RAB11FIP3: variants seen among roughly 807,000 people sequenced by gnomAD.
The protein encoded by RAB11FIP3 is RAB11 family interacting protein 3, also known as rab11 family-interacting protein 3.
Under a neutral mutation model 77.8 loss-of-function variants are expected in RAB11FIP3, and 17 were observed. The ratio of observed to expected loss-of-function variants is 0.22; its 90% CI spans 0.15 to 0.33. RAB11FIP3 has a LOEUF of 0.33. Among genes scored for constraint, RAB11FIP3 ranks in the 10% least tolerant of loss-of-function variants. The pLI, the probability that RAB11FIP3 is intolerant of heterozygous loss-of-function variation, is 1.00. For synonymous variants in RAB11FIP3, 437 were observed against 448.2 expected (o/e 0.98, Z 0.31); for missense variants, 1,005 against 1,011.2 (o/e 0.99, Z 0.08).
chr16:489,445 G>C (rs1446374361), intron 5 of RAB11FIP3, among the ~76,000 whole-genome samples: 1 of 152,224 alleles, frequency 6.6e-6, no homozygotes, highest in Non-Finnish European at 1.5e-5. Context: ...CAGTGGGCGA[G>C]ATGCCCACTC....
At chr16:495,336 C>T (rs932835008) in intron 5 of RAB11FIP3, among the ~76,000 whole-genome samples, 1 of 152,226 alleles carries the variant, frequency 6.6e-6, no homozygotes, top group Non-Finnish European at 1.5e-5. Context: ...CAGCTGCAAA[C>T]GGCGTGGTGG....
intron 11 of RAB11FIP3, 50 bp downstream of exon 11, chr16:519,941 C>T (rs546670799): frequency 9.0e-5 from 138 of 1,533,508 alleles, no homozygotes; most frequent in African/African-American, 1.1e-4. Flanking sequence ...GCCTGCCCCA[C>T]GGGGAGCCTT....
intron 1 of RAB11FIP3, among the ~76,000 whole-genome samples, chr16:459,124 CT>C (rs577962652): frequency 0.057 from 7,748 of 135,506 alleles, 417 homozygotes; most frequent in African/African-American, 0.19. Context: ...AGTGTTCAAA[CT>C]TTTTTTTTTT....
chr16:485,989 C>T (rs1032057180), intron 4 of RAB11FIP3, among the ~76,000 whole-genome samples: 15 of 152,206 alleles, frequency 9.9e-5, no homozygotes, highest in Non-Finnish European at 2.1e-4. Flanking sequence ...GCAGTCTCTG[C>T]CTCCCAGATT....
intron 3 of RAB11FIP3, among the ~76,000 whole-genome samples, chr16:480,594 G>C (rs1325560397): frequency 1.3e-5 from 2 of 152,024 alleles, no homozygotes; most frequent in East Asian, 1.9e-4. Context: ...CCACCTCCCG[G>C]GTTCAAGCGA....
At position 520,614 on chromosome 16, in the gene RAB11FIP3, G is replaced by T. The variant is rs1438610191; in HGVS notation, c.2157+15G>T. ...CCCGAGATGAGGTAACACATCCCGT[G>T]TCTGCACGGTGTGGCCTGGGGTCCA... On this transcript the variant is annotated intron_variant, in intron 13 of 13. Transcript: ENST00000262305. The T allele has an allele frequency of 6.2e-7, 1 of 1,612,646 alleles. No individual in the cohort carries two copies. Among genetic ancestry groups the T allele is most frequent in the Non-Finnish European group, 8.5e-7 (1 of 1,179,352 alleles).
rs960942595 is a variant in RAB11FIP3 at position 499,675 on chromosome 16, G to C, written c.1301+2816G>C. ...GTTAGGCATGGTGGCACACATGCCTGTAATCCCAGCTACTCAGGAGCCTGA... is the reference window on the plus strand; with the variant it reads ...GTTAGGCATGGTGGCACACATGCCTCTAATCCCAGCTACTCAGGAGCCTGA... On this transcript the variant is annotated intron_variant, in intron 6 of 13. Coordinates refer to ENST00000262305, the MANE Select transcript of RAB11FIP3 (RefSeq NM_014700.4). Among the ~76,000 whole-genome samples, 15 of 151,666 alleles carry C rather than the reference G, an allele frequency of 9.9e-5. No homozygotes were observed. The South Asian group carries it at 3.1e-3, about 32-fold the overall frequency.
rs1157450318 is a variant in RAB11FIP3, at chr16:472,635, G to A, written c.903+1246G>A. On this transcript the variant is annotated intron_variant, in intron 3 of 13. Transcript: ENST00000262305. The surrounding 1 kb of genome is among the most constrained non-coding windows in gnomAD (Gnocchi z 4.1). ...CGTCCGGGGAACTGTGTGTTCCTGG[G>A]CGTTCATGTGCCTGTGCACTCTTTC... is the stretch of plus-strand genomic sequence containing the variant. 1.3e-5 allele frequency among the ~76,000 whole-genome samples: 2 copies of A among 152,170 alleles called. No individual in the cohort carries two copies. The highest frequency in any genetic ancestry group is 4.8e-5 in the African/African-American group (2 of 41,432).
At chr16:515,351 C>T (rs978722791) in intron 9 of RAB11FIP3, among the ~76,000 whole-genome samples, 1 of 152,234 alleles carries the variant, frequency 6.6e-6, no homozygotes, top group African/African-American at 2.4e-5. Flanking sequence ...GTATGCTCCA[C>T]TCAGCAAAAC....
At chr16:438,593 C>T (rs911871485) in intron 1 of RAB11FIP3, among the ~76,000 whole-genome samples, 20 of 150,512 alleles carry the variant, frequency 1.3e-4, no homozygotes, top group African/African-American at 4.9e-4. Context: ...TTCATATTGG[C>T]CAGGCTGGTC....
At chr16:487,919 C>T (rs1030236012) in intron 4 of RAB11FIP3, among the ~76,000 whole-genome samples, 1 of 152,106 alleles carries the variant, frequency 6.6e-6, no homozygotes, top group African/African-American at 2.4e-5. Context: ...CAGCAGCTCC[C>T]TAGGGAAGAG....
chr16:449,110 C>T (rs1022708503), intron 1 of RAB11FIP3, among the ~76,000 whole-genome samples: 5 of 152,136 alleles, frequency 3.3e-5, no homozygotes, highest in Non-Finnish European at 7.3e-5. Flanking sequence ...TGCTCTGGCC[C>T]TCTTGCCCCT....
intron 2 of RAB11FIP3, among the ~76,000 whole-genome samples, chr16:464,340 A>G (rs926271046): frequency 1.3e-5 from 2 of 152,186 alleles, no homozygotes; most frequent in Non-Finnish European, 2.9e-5. Flanking sequence ...TTATACATTT[A>G]TTTAACGTTT....
chr16:447,608 G>C (rs554332675), intron 1 of RAB11FIP3, among the ~76,000 whole-genome samples: 1 of 152,132 alleles, frequency 6.6e-6, no homozygotes, highest in East Asian at 1.9e-4. Flanking sequence ...CGTGGTGGCA[G>C]GCACCTATAG....
rs1419282221 is a variant in RAB11FIP3 at position 425,764 on chromosome 16, C to T, written c.-243C>T. 5 of 338,704 alleles carry T rather than the reference C, an allele frequency of 1.5e-5. No individual in the cohort carries two copies. The Admixed American group carries it at 1.9e-4, about 13-fold the overall frequency. 21.0% of individuals were successfully genotyped at this position (338,704 alleles called of 1,614,324 possible). A position where few individuals can be genotyped will look rare whatever the true frequency, so the allele number is the denominator to read the frequency against. On this transcript the variant is annotated 5_prime_UTR_variant, in exon 1 of 14. Transcript: ENST00000262305. ...CCGCCATCCGCCGCCCGGATCCTCGCCGCCCTCCCTAGGCCGCCCCGCCGC... is the reference window on the plus strand; with the variant it reads ...CCGCCATCCGCCGCCCGGATCCTCGTCGCCCTCCCTAGGCCGCCCCGCCGC...
chr16:502,929 G>C (rs2031610032), intron 6 of RAB11FIP3, 75 bp from the exon 7 acceptor site: 1 of 1,168,322 alleles, frequency 8.6e-7, no homozygotes, highest in African/African-American at 1.5e-5. Context: ...AGATTGACTT[G>C]GGAGTGCTTG....
chr16:518,284 T>C (rs977069991), intron 9 of RAB11FIP3, among the ~76,000 whole-genome samples: 1 of 152,224 alleles, frequency 6.6e-6, no homozygotes, highest in Non-Finnish European at 1.5e-5. Flanking sequence ...TCTCACTATA[T>C]TGCCCAGGCT....
At chr16:485,705 C>G (rs1321141588) in intron 4 of RAB11FIP3, among the ~76,000 whole-genome samples, 1 of 152,126 alleles carries the variant, frequency 6.6e-6, no homozygotes, top group Non-Finnish European at 1.5e-5. Flanking sequence ...GCCACAGCCC[C>G]TGGCCAGAAC....
At chr16:473,963 C>T (rs1055675125) in intron 3 of RAB11FIP3, among the ~76,000 whole-genome samples, 3 of 152,098 alleles carry the variant, frequency 2.0e-5, no homozygotes, top group Non-Finnish European at 2.9e-5. Flanking sequence ...TTTTCAGATG[C>T]GCCTCTTTCC....
Sources: allele counts gnomAD v4.1 joint callset (sites outside exome capture counted in the v4.1 genomes callset), GRCh38; gene constraint gnomAD v4.1.1; non-coding constraint Gnocchi (gnomAD v3.1); transcripts MANE v1.5; gene names NCBI Gene and HGNC (gene_info 2026-07-23, HGNC 2026-07-21).